AIG1: variants seen among roughly 807,000 people sequenced by gnomAD.
The protein encoded by AIG1 is androgen induced 1, also known as androgen-induced gene 1 protein.
A neutral mutation model predicts 31.4 loss-of-function variants in AIG1; 23 were observed. The observed-to-expected ratio is 0.73, with a 90% CI of 0.53 to 1.04. AIG1 has a LOEUF of 1.04. Among genes scored for constraint, AIG1 ranks in the 50% least tolerant of loss-of-function variants. The pLI, the probability that AIG1 is intolerant of heterozygous loss-of-function variation, is 0.00. For synonymous variants in AIG1, 100 were observed against 110.5 expected (o/e 0.90, Z 0.60); for missense variants, 274 against 295.0 (o/e 0.93, Z 0.52).
At chr6:143,240,925 A>C (rs2128638998) in intron 3 of AIG1, among the ~76,000 whole-genome samples, 1 of 152,192 alleles carries the variant, frequency 6.6e-6, no homozygotes, top group East Asian at 1.9e-4. Context: ...TTCCATGAAG[A>C]GTTAGTTACT....
chr6:143,203,695 T>C (rs976965461), intron 3 of AIG1, among the ~76,000 whole-genome samples: 2 of 152,154 alleles, frequency 1.3e-5, no homozygotes, highest in African/African-American at 2.4e-5. Context: ...GTCTCAGATA[T>C]CCAGAGATAA....
At chr6:143,184,990 G>C (rs1251559182) in intron 3 of AIG1, among the ~76,000 whole-genome samples, 1 of 152,116 alleles carries the variant, frequency 6.6e-6, no homozygotes, top group African/African-American at 2.4e-5. Flanking sequence ...AAGGTCAAGA[G>C]ATGGAGACCA....
At chr6:143,196,986 G>A (rs1790292219) in intron 3 of AIG1, among the ~76,000 whole-genome samples, 2 of 152,208 alleles carry the variant, frequency 1.3e-5, no homozygotes, top group East Asian at 1.9e-4. Context: ...ATAGTCTGCA[G>A]CCTCTTAGCA....
chr6:143,142,442 C>T (rs1210555146), intron 2 of AIG1, among the ~76,000 whole-genome samples: 3 of 152,172 alleles, frequency 2.0e-5, no homozygotes, highest in Non-Finnish European at 4.4e-5. Context: ...TTGAATAATG[C>T]ATGTAATCTA....
chr6:143,105,971 T>G (rs148161616), intron 1 of AIG1, among the ~76,000 whole-genome samples: 1 of 152,346 alleles, frequency 6.6e-6, no homozygotes, highest in Non-Finnish European at 1.5e-5. Context: ...TTCCCCTCTG[T>G]TCTCATTGCC....
At chr6:143,091,309 C>T (rs1483237431) in intron 1 of AIG1, among the ~76,000 whole-genome samples, 1 of 152,166 alleles carries the variant, frequency 6.6e-6, no homozygotes, top group Non-Finnish European at 1.5e-5. Flanking sequence ...CCATAAATTA[C>T]AAATATTCTT....
chr6:143,238,384 A>G (rs887599875), intron 3 of AIG1, among the ~76,000 whole-genome samples: 1 of 152,246 alleles, frequency 6.6e-6, no homozygotes, highest in Non-Finnish European at 1.5e-5. Flanking sequence ...GGAATCCATT[A>G]TAGAGAAAGA....
At chr6:143,137,597 A>G (rs1452153716) in intron 2 of AIG1, among the ~76,000 whole-genome samples, 1 of 152,226 alleles carries the variant, frequency 6.6e-6, no homozygotes, top group Non-Finnish European at 1.5e-5. Context: ...ATTAGCTACT[A>G]TCACTGAAGT....
chr6:143,323,377 C>G (rs1325029812), intron 4 of AIG1, among the ~76,000 whole-genome samples: 2 of 152,120 alleles, frequency 1.3e-5, no homozygotes, highest in South Asian at 4.1e-4. Context: ...CTCCCAGATT[C>G]TGTACATTTG....
chr6:143,242,500 A>C (rs1037987346), intron 3 of AIG1, among the ~76,000 whole-genome samples: 5 of 152,248 alleles, frequency 3.3e-5, no homozygotes, highest in Non-Finnish European at 7.3e-5. Context: ...TCAAAGTACA[A>C]AGAGGTAAAA....
At chr6:143,145,123 C>A (rs749347834) in intron 2 of AIG1, among the ~76,000 whole-genome samples, 2 of 152,164 alleles carry the variant, frequency 1.3e-5, no homozygotes, top group Non-Finnish European at 2.9e-5. Flanking sequence ...CTCTCAGGCT[C>A]AAGTGATCCT....
chr6:143,228,892 T>C (rs1320148155), intron 3 of AIG1, among the ~76,000 whole-genome samples: 1 of 152,220 alleles, frequency 6.6e-6, no homozygotes, highest in Non-Finnish European at 1.5e-5. Flanking sequence ...TCAATTCTTA[T>C]TCTCTTAAAA....
chr6:143,334,152 T>C lies in AIG1; in HGVS notation c.679+707T>C, dbSNP rs560263772. 14 of 1,520,624 alleles carry C rather than the reference T, an allele frequency of 9.2e-6. No individual in the cohort carries two copies. In the East Asian group the frequency reaches 3.0e-4, roughly 32 times the overall value. 94.2% of individuals were successfully genotyped at this position (1,520,624 alleles called of 1,614,324 possible). On this transcript the variant is annotated intron_variant, in intron 5 of 5. Coordinates refer to ENST00000357847, the MANE Select transcript of AIG1 (RefSeq NM_016108.4). The surrounding 1 kb of genome is among the most constrained non-coding windows in gnomAD (Gnocchi z 5.1). ...TGTCCAAAGTGTATGTACAATAACA[T>C]AAAAATTGAAAGGTGGAAAAAGCGC...
chr6:143,334,061 G>C lies in AIG1; in HGVS notation c.679+616G>C, dbSNP rs1777294992. Reference sequence around the variant, plus strand: ...TAACCTGTGATTTGATTTCTCTTTTGTTTCCATTTATGGCAGAGCCTCCAT... The same window carrying C: ...TAACCTGTGATTTGATTTCTCTTTTCTTTCCATTTATGGCAGAGCCTCCAT... On this transcript the variant is annotated intron_variant, in intron 5 of 5. Coordinates refer to ENST00000357847, the MANE Select transcript of AIG1 (RefSeq NM_016108.4). The surrounding 1 kb of genome is among the most constrained non-coding windows in gnomAD (Gnocchi z 5.1). 1 of 1,550,266 alleles carries C rather than the reference G, an allele frequency of 6.5e-7. No individual in the cohort carries two copies. The highest frequency in any genetic ancestry group is 2.4e-5 in the East Asian group (1 of 40,914).
chr6:143,110,187 A>G (rs947066499), intron 1 of AIG1, among the ~76,000 whole-genome samples: 4 of 152,056 alleles, frequency 2.6e-5, no homozygotes, highest in Non-Finnish European at 5.9e-5. Context: ...TGGTCTATTT[A>G]CCTATCCTTG....
chr6:143,257,837 TCA>T (rs1253556003), intron 3 of AIG1, among the ~76,000 whole-genome samples: 1 of 152,214 alleles, frequency 6.6e-6, no homozygotes, highest in African/African-American at 2.4e-5. Flanking sequence ...GTTCTAATTC[TCA>T]CTTTTTTCAA....
chr6:143,229,784 C>CAACAAAAAAAAAAA lies in AIG1; in HGVS notation c.400-54324_400-54323insCAAAAAAAAAAAAA, dbSNP rs1554260078. Reference sequence around the variant, plus strand: ...GCCTCTCGTTTCTGGACTCTCAGAACAAAAAAAAAAAAAAAAAAAAGGATC... The same window carrying CAACAAAAAAAAAAA: ...GCCTCTCGTTTCTGGACTCTCAGAACAACAAAAAAAAAAAAAAAAAAAAAAAAAAAAAAAGGATC... On this transcript the variant is annotated intron_variant, in intron 3 of 5. Transcript: ENST00000357847. Among the ~76,000 whole-genome samples the CAACAAAAAAAAAAA allele has an allele frequency of 2.5e-5, 2 of 80,712 alleles. 1 individual carries two copies. 53.0% of individuals were successfully genotyped at this position (80,712 alleles called of 152,430 possible). A position where few individuals can be genotyped will look rare whatever the true frequency, so the allele number is the denominator to read the frequency against.
intron 3 of AIG1, among the ~76,000 whole-genome samples, chr6:143,174,260 G>A (rs545857189): frequency 4.6e-5 from 7 of 152,138 alleles, no homozygotes; most frequent in South Asian, 4.1e-4. Context: ...AGGCCAAGGC[G>A]GGTGGATCAC....
rs530173520 is a variant in AIG1 at position 143,310,635 on chromosome 6, T to A, written c.516-22647T>A. ...AATTAAAGAAGAAATAAATAAAATT[T>A]AAAAAAAAACAATAAAAGCCAAGGC... On this transcript the variant is annotated intron_variant, in intron 4 of 5. Coordinates refer to ENST00000357847, the MANE Select transcript of AIG1 (RefSeq NM_016108.4). 6.5e-4 allele frequency among the ~76,000 whole-genome samples: 96 copies of A among 146,586 alleles called. 1 individual carries two copies. In the South Asian group the frequency reaches 0.011, roughly 16 times the overall value.
Sources: allele counts gnomAD v4.1 joint callset (sites outside exome capture counted in the v4.1 genomes callset), GRCh38; gene constraint gnomAD v4.1.1; non-coding constraint Gnocchi (gnomAD v3.1); transcripts MANE v1.5; gene names NCBI Gene and HGNC (gene_info 2026-07-23, HGNC 2026-07-21).